TMEM30A: variants seen among roughly 807,000 people sequenced by gnomAD.
TMEM30A encodes the protein cell cycle control protein 50A.
TMEM30A carries 24 observed loss-of-function variants against 38.2 expected under a neutral mutation model. The observed-to-expected ratio is 0.63, with a 90% CI of 0.46 to 0.88. The LOEUF is 0.88. Among genes scored for constraint, TMEM30A ranks in the 40% least tolerant of loss-of-function variants. TMEM30A has a pLI of 0.00. For missense variants in TMEM30A, 370 were observed against 458.6 expected (o/e 0.81, Z 1.77); for synonymous variants, 145 against 161.6 (o/e 0.90, Z 0.78).
Position 75,253,840 on chromosome 6 carries a change from T to C in TMEM30A, c.*2262A>G, listed in dbSNP as rs1355272920. 6.6e-6 allele frequency: 1 copy of C among 152,490 alleles called. No individual in the cohort carries two copies. The highest frequency in any genetic ancestry group is 2.4e-5 in the African/African-American group (1 of 41,454). 9.4% of individuals were successfully genotyped at this position (152,490 alleles called of 1,614,324 possible). ...AATTTCTTAGCTTTTACTTGTTGAA[T>C]AATTTTTTCAATTGGGAATCTTTTC... On this transcript the variant is annotated 3_prime_UTR_variant, in exon 7 of 7. Coordinates refer to ENST00000230461, the MANE Select transcript of TMEM30A (RefSeq NM_018247.4).
chr6:75,255,983 TAGAAAAG>T lies in TMEM30A; in HGVS notation c.*112_*118del. The stretch of plus-strand genomic sequence containing the variant: ...GCAAACAACAAAGACTGCTTTTTTT[TAGAAAAG>T]TTATGTGCCAACTTCAAAATGACAT... On this transcript the variant is annotated 3_prime_UTR_variant, in exon 7 of 7. Transcript: ENST00000230461. The T allele has an allele frequency of 1.5e-6, 1 of 679,512 alleles. No individual in the cohort carries two copies. Among genetic ancestry groups the T allele is most frequent in the African/African-American group, 1.8e-5 (1 of 54,876 alleles). 42.1% of individuals were successfully genotyped at this position (679,512 alleles called of 1,614,324 possible).
chr6:75,279,576 C>T (rs1428580330), intron 1 of TMEM30A, among the ~76,000 whole-genome samples: 1 of 152,164 alleles, frequency 6.6e-6, no homozygotes, highest in African/African-American at 2.4e-5. Flanking sequence ...AGTCTGGAGA[C>T]TTGCCCATTA....
At chr6:75,275,655 A>ATATTC (rs986508853) in intron 1 of TMEM30A, among the ~76,000 whole-genome samples, 1 of 152,186 alleles carries the variant, frequency 6.6e-6, no homozygotes, top group African/African-American at 2.4e-5. Flanking sequence ...TTTCATAAAT[A>ATATTC]TATTCTATAT....
rs750938989 is a variant in TMEM30A, at chr6:75,256,240, T to C, written c.948A>G (p.Ser316=). The C allele has an allele frequency of 6.8e-6, 11 of 1,613,616 alleles. No individual in the cohort carries two copies. The highest frequency in any genetic ancestry group is 1.6e-4 in the Middle Eastern group (1 of 6,062). ...GRKRMILSTI[S]WMGGKNPFLG... ...AAAATGGATTTTTTCCTCCCATCCATGAAATAGTGCTCAAGATCATCCGTT... is the reference window on the plus strand; with the variant it reads ...AAAATGGATTTTTTCCTCCCATCCACGAAATAGTGCTCAAGATCATCCGTT... Residue 316 remains serine (S), a synonymous_variant, in exon 7 of 7, where the codon TCA becomes TCG. Transcript: ENST00000230461.
chr6:75,272,720 T>G (rs1772193269), intron 1 of TMEM30A: 1 of 152,234 alleles, frequency 6.6e-6, no homozygotes, highest in Non-Finnish European at 1.5e-5. Context: ...TGGCACTGAT[T>G]ATCTAACACA....
intron 3 of TMEM30A, among the ~76,000 whole-genome samples, chr6:75,263,108 G>C (rs1268679292): frequency 1.3e-5 from 2 of 152,216 alleles, no homozygotes; most frequent in African/African-American, 2.4e-5. Flanking sequence ...TTTGACTCTG[G>C]AGGAGGTATC....
chr6:75,282,432 T>C (rs1231534968), intron 1 of TMEM30A, among the ~76,000 whole-genome samples: 1 of 152,230 alleles, frequency 6.6e-6, no homozygotes, highest in African/African-American at 2.4e-5. Context: ...TTTTATACTA[T>C]AGTAAATACT....
chr6:75,257,328 G>A (rs1021110758), intron 6 of TMEM30A, among the ~76,000 whole-genome samples: 6 of 152,008 alleles, frequency 3.9e-5, no homozygotes, highest in Admixed American at 3.3e-4. Context: ...TTGATGTTTT[G>A]CAGGTCCAAA....
chr6:75,278,567 T>C (rs1364283585), intron 1 of TMEM30A, among the ~76,000 whole-genome samples: 6 of 152,146 alleles, frequency 3.9e-5, no homozygotes, highest in African/African-American at 9.7e-5. Context: ...TGAGAGCCAG[T>C]TCCTAAGAAT....
chr6:75,260,395 C>T (rs776385521), intron 4 of TMEM30A, among the ~76,000 whole-genome samples: 10 of 151,328 alleles, frequency 6.6e-5, no homozygotes, highest in South Asian at 2.1e-4. Flanking sequence ...GACAGAATGA[C>T]GCTCCATCTC....
At chr6:75,275,143 T>G (rs1772239847) in intron 1 of TMEM30A, among the ~76,000 whole-genome samples, 3 of 152,210 alleles carry the variant, frequency 2.0e-5, no homozygotes, top group African/African-American at 7.2e-5. Flanking sequence ...CCTACCTCAC[T>G]GGCTGCTCCT....
chr6:75,267,538 C>A, intron 2 of TMEM30A, 103 bp downstream of exon 2: 2 of 736,102 alleles, frequency 2.7e-6, no homozygotes, highest in Admixed American at 5.8e-5. Context: ...GTAAATTATA[C>A]AGACTTCTCT....
chr6:75,259,383 G>A lies in TMEM30A; in HGVS notation c.649C>T (p.Pro217Ser). Reference sequence around the variant, plus strand: ...TCTTCCAGGTTGTCTCCTCCAGGGGGATTTCTGAATTTCACATTTTTATCT... The same window carrying A: ...TCTTCCAGGTTGTCTCCTCCAGGGGAATTTCTGAATTTCACATTTTTATCT... ...WTDKNVKFRNPPGGDNLEERF... is the reference protein window; with the variant it reads ...WTDKNVKFRNSPGGDNLEERF... The change falls in exon 5 of 7, where the codon CCC becomes TCC. Residue 217 changes from proline to serine, a missense_variant. By Grantham distance (74) the Pro-to-Ser change is moderately conservative. Transcript: ENST00000230461. 1 of 1,613,428 alleles carries A rather than the reference G, an allele frequency of 6.2e-7. No individual in the cohort carries two copies. Among genetic ancestry groups the A allele is most frequent in the Non-Finnish European group, 8.5e-7 (1 of 1,179,678 alleles).
At chr6:75,267,454 T>C (rs1236151248) in intron 2 of TMEM30A, among the ~76,000 whole-genome samples, 187 bp downstream of exon 2, 5 of 152,190 alleles carry the variant, frequency 3.3e-5, no homozygotes. Context: ...CAAATAAATG[T>C]ATTTAATTAC....
Position 75,265,312 on chromosome 6 carries a change from C to T in TMEM30A, c.372G>A (p.Leu124=), listed in dbSNP as rs766015230. ...FEGNVFMYYG[L]SNFYQNHRRY... The stretch of plus-strand genomic sequence containing the variant: ...GACGATGGTTTTGATAGAAATTAGA[C>T]AGTCCATAATACATAAACACGTTGC... Residue 124 remains leucine (L), a synonymous_variant, in exon 3 of 7, where the codon CTG becomes CTA. Transcript: ENST00000230461. The T allele has an allele frequency of 5.6e-6, 9 of 1,610,700 alleles. No homozygotes were observed. The highest frequency in any genetic ancestry group is 4.0e-5 in the African/African-American group (3 of 74,934).
rs1772427890 is a variant in TMEM30A, at chr6:75,284,539, T to C, written c.100A>G (p.Lys34Glu). The C allele has an allele frequency of 1.2e-6, 2 of 1,612,344 alleles. No individual in the cohort carries two copies. Among genetic ancestry groups the C allele is most frequent in the Non-Finnish European group, 1.7e-6 (2 of 1,179,010 alleles). Residue 34 changes from lysine (K) to glutamate (E), a missense_variant, in exon 1 of 7, where the codon AAA becomes GAA. Coordinates refer to ENST00000230461, the MANE Select transcript of TMEM30A (RefSeq NM_018247.4). Reference protein sequence around the residue: ...KTRRPDNTAFKQQRLPAWQPI... With the variant: ...KTRRPDNTAFEQQRLPAWQPI... Reference sequence around the variant, plus strand: ...TGCCAAGCTGGCAGCCGTTGCTGTTTGAAGGCCGTGTTATCCGGTCTCCGA... The same window carrying C: ...TGCCAAGCTGGCAGCCGTTGCTGTTCGAAGGCCGTGTTATCCGGTCTCCGA...
chr6:75,263,944 G>T (rs914042150), intron 3 of TMEM30A, among the ~76,000 whole-genome samples: 1 of 152,106 alleles, frequency 6.6e-6, no homozygotes, highest in Non-Finnish European at 1.5e-5. Flanking sequence ...CTGGGGTTTT[G>T]GAACACACAC....
intron 3 of TMEM30A, among the ~76,000 whole-genome samples, chr6:75,263,816 T>C: frequency 6.6e-6 from 1 of 152,236 alleles, no homozygotes. Flanking sequence ...GATCTATTCC[T>C]GGTGTGGCCT....
intron 1 of TMEM30A, among the ~76,000 whole-genome samples, chr6:75,276,823 T>G (rs1772267243): frequency 6.6e-6 from 1 of 152,154 alleles, no homozygotes; most frequent in Non-Finnish European, 1.5e-5. Flanking sequence ...CCCAATACCC[T>G]CATCTTCTAC....
Sources: gnomAD v4.1 joint callset for allele counts (sites outside exome capture counted in the v4.1 genomes callset) on GRCh38, gnomAD v4.1.1 for gene constraint, MANE v1.5 for transcripts, NCBI Gene and HGNC (gene_info 2026-07-23, HGNC 2026-07-21) for gene names.